The following TMEM54 variants were observed in gnomAD, a reference collection of about 807,000 sequenced individuals.
TMEM54 encodes beta-casein-like protein.
A neutral mutation model predicts 21.3 loss-of-function variants in TMEM54; 21 were observed. That is an observed-to-expected ratio of 0.99 (90% CI 0.70 to 1.42). The LOEUF is 1.42. TMEM54 is among the 40% of genes most tolerant of loss of function. The pLI is 0.00. For missense variants in TMEM54, 246 were observed against 294.0 expected (o/e 0.84, Z 1.19); for synonymous variants, 109 against 125.0 (o/e 0.87, Z 0.86).
intron 1 of TMEM54, among the ~76,000 whole-genome samples, chr1:32,898,898 T>A (rs1331438299): frequency 1.3e-5 from 2 of 152,074 alleles, no homozygotes; most frequent in Non-Finnish European, 2.9e-5. Flanking sequence ...AGGCTCTGAA[T>A]CTCCATGTCC....
In TMEM54 at chr1:32,901,183, G is replaced by T. The variant is rs1641719049; in HGVS notation, c.16+40C>A. On this transcript the variant is annotated intron_variant, in intron 1 of 5. Transcript: ENST00000373463. This position sits in a 1 kb window ranked among gnomAD's most constrained non-coding sequence, Gnocchi z 4.2. The stretch of plus-strand genomic sequence containing the variant: ...AGTGCTCCGCTCCTGTGGGAGGGTT[G>T]GGGTGGTTCGGGGCCTCCCGCGCGC... 6.8e-7 allele frequency: 1 copy of T among 1,476,714 alleles called. No individual in the cohort carries two copies. 91.5% of individuals were successfully genotyped at this position (1,476,714 alleles called of 1,614,324 possible). A position where few individuals can be genotyped will look rare whatever the true frequency, so the allele number is the denominator to read the frequency against.
In TMEM54 at chr1:32,894,681, C is replaced by A; in HGVS notation, c.*124G>T. The A allele has an allele frequency of 7.4e-7, 1 of 1,358,790 alleles. No individual in the cohort carries two copies. Among genetic ancestry groups the A allele is most frequent in the South Asian group, 1.4e-5 (1 of 69,436 alleles). The allele number at this position is 1,358,790 out of a possible 1,614,324, so 84.2% of individuals were successfully genotyped here. A position where few individuals can be genotyped will look rare whatever the true frequency, so the allele number is the denominator to read the frequency against. On this transcript the variant is annotated 3_prime_UTR_variant, in exon 6 of 6. Transcript: ENST00000373463. ...GTGGTGGGGGAGAGGGTTGAAAGCC[C>A]CACTTGGGTCCCCGAGGGTCCATTG...
chr1:32,894,685 T>C lies in TMEM54; in HGVS notation c.*120A>G. On this transcript the variant is annotated 3_prime_UTR_variant, in exon 6 of 6. Coordinates refer to ENST00000373463, the MANE Select transcript of TMEM54 (RefSeq NM_033504.4). ...TGGGGGAGAGGGTTGAAAGCCCCAC[T>C]TGGGTCCCCGAGGGTCCATTGAGCC... 10 of 1,398,942 alleles carry C rather than the reference T, an allele frequency of 7.1e-6. No individual in the cohort carries two copies. The highest frequency in any genetic ancestry group is 9.8e-6 in the Non-Finnish European group (10 of 1,024,778). The allele number at this position is 1,398,942 out of a possible 1,614,324, so 86.7% of individuals were successfully genotyped here. A position where few individuals can be genotyped will look rare whatever the true frequency, so the allele number is the denominator to read the frequency against.
At position 32,894,656 on chromosome 1, in the gene TMEM54, G is replaced by C. The variant is rs1329791138; in HGVS notation, c.*149C>G. The C allele has an allele frequency of 1.9e-5, 18 of 963,074 alleles. No individual in the cohort carries two copies. Among genetic ancestry groups the C allele is most frequent in the Non-Finnish European group, 2.5e-5 (16 of 642,790 alleles). 59.7% of individuals were successfully genotyped at this position (963,074 alleles called of 1,614,324 possible). On this transcript the variant is annotated 3_prime_UTR_variant, in exon 6 of 6. Coordinates refer to ENST00000373463, the MANE Select transcript of TMEM54 (RefSeq NM_033504.4). Reference sequence around the variant, plus strand: ...GTCTCATTTCAGTGCAGTGGGCTGGGTGGTGGGGGAGAGGGTTGAAAGCCC... The same window carrying C: ...GTCTCATTTCAGTGCAGTGGGCTGGCTGGTGGGGGAGAGGGTTGAAAGCCC...
Position 32,898,192 on chromosome 1 carries a change from G to A in TMEM54, c.144C>T (p.Thr48=). 5 of 1,613,016 alleles carry A rather than the reference G, an allele frequency of 3.1e-6. No homozygotes were observed. Among genetic ancestry groups the A allele is most frequent in the Non-Finnish European group, 3.4e-6 (4 of 1,179,086 alleles). Reference sequence around the variant, plus strand: ...ACTGCAGAGCCACCGCATCTTGAGGGGTGCCCACGTAGCGCAGCACTGTGC... The same window carrying A: ...ACTGCAGAGCCACCGCATCTTGAGGAGTGCCCACGTAGCGCAGCACTGTGC... ...FHGTVLRYVG[T]PQDAVALQYC... is the part of the protein sequence containing the mutation. The change falls in exon 2 of 6, where the codon ACC becomes ACT. Residue 48 remains threonine, a synonymous_variant. Coordinates refer to ENST00000373463, the MANE Select transcript of TMEM54 (RefSeq NM_033504.4).
chr1:32,898,508 G>T (rs951253065), intron 1 of TMEM54, 189 bp from the exon 2 acceptor site: 8 of 533,300 alleles, frequency 1.5e-5, no homozygotes, highest in African/African-American at 1.5e-4. Flanking sequence ...ATGCCTTTGT[G>T]AGAATCCTTG....
Position 32,894,631 on chromosome 1 carries a change from G to A in TMEM54, c.*174C>T, listed in dbSNP as rs1379853917. 7 of 747,026 alleles carry A rather than the reference G, an allele frequency of 9.4e-6. No homozygotes were observed. The highest frequency in any genetic ancestry group is 1.5e-5 in the Non-Finnish European group (7 of 478,540). 46.3% of individuals were successfully genotyped at this position (747,026 alleles called of 1,614,324 possible). On this transcript the variant is annotated 3_prime_UTR_variant, in exon 6 of 6. Coordinates refer to ENST00000373463, the MANE Select transcript of TMEM54 (RefSeq NM_033504.4). Reference sequence around the variant, plus strand: ...TTCTTTTTAATAATTTCAGAATAAAGTCTCATTTCAGTGCAGTGGGCTGGG... The same window carrying A: ...TTCTTTTTAATAATTTCAGAATAAAATCTCATTTCAGTGCAGTGGGCTGGG...
Position 32,898,394 on chromosome 1 carries a change from C to T in TMEM54, c.17-75G>A. 4.3e-6 allele frequency: 6 copies of T among 1,396,908 alleles called. 2 individuals carry two copies. In the Admixed American group the frequency reaches 7.8e-5, roughly 18 times the overall value. 86.5% of individuals were successfully genotyped at this position (1,396,908 alleles called of 1,614,324 possible). On this transcript the variant is annotated intron_variant, in intron 1 of 5. Coordinates refer to ENST00000373463, the MANE Select transcript of TMEM54 (RefSeq NM_033504.4). ...GCAGAAGGGGAAGCTGAGGCCCTGG[C>T]CCTAGTGATGGACATTGGGTTCTAA...
In TMEM54 at chr1:32,901,207, GC is replaced by G. The variant is rs1188030120; in HGVS notation, c.16+15del. ...TGGGGTGGTTCGGGGCCTCCCGCGC[GC>G]CCCCAGTCGCTCACCGAGGCGCAGA... On this transcript the variant is annotated intron_variant, in intron 1 of 5. Coordinates refer to ENST00000373463, the MANE Select transcript of TMEM54 (RefSeq NM_033504.4). The surrounding 1 kb of genome is among the most constrained non-coding windows in gnomAD (Gnocchi z 4.2). 5 of 1,485,516 alleles carry G rather than the reference GC, an allele frequency of 3.4e-6. No homozygotes were observed. Among genetic ancestry groups the G allele is most frequent in the Non-Finnish European group, 9.1e-7 (1 of 1,104,372 alleles). 92.0% of individuals were successfully genotyped at this position (1,485,516 alleles called of 1,614,324 possible). A position where few individuals can be genotyped will look rare whatever the true frequency, so the allele number is the denominator to read the frequency against.
rs1206669594 is a variant in TMEM54, at chr1:32,895,535, C to T, written c.459+20G>A. 6.3e-7 allele frequency: 1 copy of T among 1,591,354 alleles called. No individual in the cohort carries two copies. The highest frequency in any genetic ancestry group is 8.6e-7 in the Non-Finnish European group (1 of 1,167,484). On this transcript the variant is annotated intron_variant, in intron 4 of 5. Transcript: ENST00000373463. The surrounding 1 kb of genome is among the most constrained non-coding windows in gnomAD (Gnocchi z 5.8). ...CCCGTGCGAGGGCCTGGTGCCCCTA[C>T]TCCAGGCCTAGGTACTCACATAAAT...
In TMEM54 at chr1:32,897,380, A is replaced by C. The variant is rs1297663794; in HGVS notation, c.210+746T>G. Among the ~76,000 whole-genome samples, 1 of 152,210 alleles carries C rather than the reference A, an allele frequency of 6.6e-6. No individual in the cohort carries two copies. The highest frequency in any genetic ancestry group is 1.5e-5 in the Non-Finnish European group (1 of 68,044). On this transcript the variant is annotated intron_variant, in intron 2 of 5. Coordinates refer to ENST00000373463, the MANE Select transcript of TMEM54 (RefSeq NM_033504.4). The surrounding 1 kb of genome is among the most constrained non-coding windows in gnomAD (Gnocchi z 4.9). ...AGGATCTTCCCCCGAGGCTGTGGCC[A>C]CTTGTGCTGACCGGCAAGAAAGAGC...
intron 1 of TMEM54, among the ~76,000 whole-genome samples, chr1:32,900,473 G>A (rs1641699763): frequency 6.6e-6 from 1 of 151,954 alleles, no homozygotes; most frequent in South Asian, 2.1e-4. Context: ...CGCCTGCCTC[G>A]GCCTCCCAGA....
chr1:32,894,956 AAGG>A (rs1482244167), intron 5 of TMEM54, 77 bp from the exon 6 acceptor site: 101 of 1,569,290 alleles, frequency 6.4e-5, no homozygotes, highest in Non-Finnish European at 8.6e-5. Context: ...CGGGAAATGG[AAGG>A]AGGTGAGGGC....
chr1:32,900,900 G>C (rs1032686667), intron 1 of TMEM54, among the ~76,000 whole-genome samples: 1 of 152,192 alleles, frequency 6.6e-6, no homozygotes, highest in Admixed American at 6.5e-5. Flanking sequence ...GTAAGATGGG[G>C]CTGCTCTCTC....
rs1340355747 is a variant in TMEM54, at chr1:32,895,674, C to T, written c.340G>A (p.Ala114Thr). Reference protein sequence around the residue: ...LSLTCALGLLASIAMTFATQG... With the variant: ...LSLTCALGLLTSIAMTFATQG... ...GTGGCAAAGGTCATGGCGATGGAGG[C>T]CAAGAGGCCGAGGGCACAGGTCAGA... Residue 114 changes from alanine (A) to threonine (T), a missense_variant, in exon 4 of 6, where the codon GCC becomes ACC. By Grantham distance (58) the Ala-to-Thr change is moderately conservative. Coordinates refer to ENST00000373463, the MANE Select transcript of TMEM54 (RefSeq NM_033504.4). This position sits in a 1 kb window ranked among gnomAD's most constrained non-coding sequence, Gnocchi z 5.8. The T allele has an allele frequency of 6.4e-7, 1 of 1,562,296 alleles. No individual in the cohort carries two copies. The highest frequency in any genetic ancestry group is 8.7e-7 in the Non-Finnish European group (1 of 1,152,846).
chr1:32,895,168 C>T lies in TMEM54; in HGVS notation c.594+137G>A. On this transcript the variant is annotated intron_variant, in intron 5 of 5. Coordinates refer to ENST00000373463, the MANE Select transcript of TMEM54 (RefSeq NM_033504.4). This position sits in a 1 kb window ranked among gnomAD's most constrained non-coding sequence, Gnocchi z 5.8. ...CCTCTCCCAGCCTCCAGGCCTCTCCCTTTGCTCCTGGGGAGAAAACTTCTG... is the reference window on the plus strand; with the variant it reads ...CCTCTCCCAGCCTCCAGGCCTCTCCTTTTGCTCCTGGGGAGAAAACTTCTG... 2 of 1,331,970 alleles carry T rather than the reference C, an allele frequency of 1.5e-6. No homozygotes were observed. The highest frequency in any genetic ancestry group is 1.5e-5 in the South Asian group (1 of 65,404). The allele number at this position is 1,331,970 out of a possible 1,614,324, so 82.5% of individuals were successfully genotyped here.
At position 32,898,396 on chromosome 1, in the gene TMEM54, C is replaced by T. The variant is rs1006994946; in HGVS notation, c.17-77G>A. 3.0e-5 allele frequency: 42 copies of T among 1,378,444 alleles called. No individual in the cohort carries two copies. In the Middle Eastern group the frequency reaches 5.6e-4, roughly 19 times the overall value. 85.4% of individuals were successfully genotyped at this position (1,378,444 alleles called of 1,614,324 possible). On this transcript the variant is annotated intron_variant, in intron 1 of 5. Coordinates refer to ENST00000373463, the MANE Select transcript of TMEM54 (RefSeq NM_033504.4). ...AGAAGGGGAAGCTGAGGCCCTGGCCCTAGTGATGGACATTGGGTTCTAAAT... is the reference window on the plus strand; with the variant it reads ...AGAAGGGGAAGCTGAGGCCCTGGCCTTAGTGATGGACATTGGGTTCTAAAT...
chr1:32,898,935 T>C (rs1258788582), intron 1 of TMEM54, among the ~76,000 whole-genome samples: 1 of 152,096 alleles, frequency 6.6e-6, no homozygotes, highest in African/African-American at 2.4e-5. Context: ...AAGAAGAACC[T>C]TGTCTCTCAG....
rs1557543268 is a variant in TMEM54, at chr1:32,894,764, A to C, written c.*41T>G. 1 of 1,588,638 alleles carries C rather than the reference A, an allele frequency of 6.3e-7. No individual in the cohort carries two copies. Among genetic ancestry groups the C allele is most frequent in the Admixed American group, 1.7e-5 (1 of 59,498 alleles). On this transcript the variant is annotated 3_prime_UTR_variant, in exon 6 of 6. Coordinates refer to ENST00000373463, the MANE Select transcript of TMEM54 (RefSeq NM_033504.4). ...CTGGTCACAGAGCAGAGTTGCTTGC[A>C]GGGTCCTAGTGGCCATCGGGCCTGG... is the stretch of plus-strand genomic sequence containing the variant.
Sources: gnomAD v4.1 joint callset for allele counts (sites outside exome capture counted in the v4.1 genomes callset) on GRCh38, gnomAD v4.1.1 for gene constraint, Gnocchi (gnomAD v3.1) non-coding constraint, MANE v1.5 for transcripts, NCBI Gene and HGNC (gene_info 2026-07-23, HGNC 2026-07-21) for gene names.